ZMYND10: variants seen among roughly 807,000 people sequenced by gnomAD.
ZMYND10 encodes the protein zinc finger MYND-type containing 10.
Under a neutral mutation model 62.6 loss-of-function variants are expected in ZMYND10, and 52 were observed. The observed-to-expected ratio is 0.83, with a 90% CI of 0.67 to 1.05. The LOEUF (loss-of-function observed/expected upper bound fraction) is 1.05, where lower values mean the gene tolerates loss of function less well. Ranked by LOEUF, ZMYND10 falls within the 50% of genes least tolerant of loss-of-function variation. The pLI is 0.00. For missense variants in ZMYND10, 438 were observed against 543.3 expected (o/e 0.81, Z 1.93); for synonymous variants, 197 against 218.5 (o/e 0.90, Z 0.87).
In ZMYND10 at chr3:50,345,601, A is replaced by G. The variant is rs1376343411; in HGVS notation, c.-22T>C. ...CCATATCGAGGCCGGGGTCCGGCGG[A>G]TCCTGGGCAGCAGCCGGGGTGGGGA... On this transcript the variant is annotated 5_prime_UTR_variant, in exon 1 of 12. Transcript: ENST00000231749. This position sits in a 1 kb window ranked among gnomAD's most constrained non-coding sequence, Gnocchi z 5.0. 1 of 1,565,822 alleles carries G rather than the reference A, an allele frequency of 6.4e-7. No homozygotes were observed. The highest frequency in any genetic ancestry group is 1.4e-5 in the African/African-American group (1 of 73,796).
intron 2 of ZMYND10, 167 bp downstream of exon 2, chr3:50,344,957 T>A (rs984450008): frequency 8.1e-5 from 50 of 620,414 alleles, no homozygotes; most frequent in Non-Finnish European, 1.4e-4. Flanking sequence ...TGTGCCAGAG[T>A]CCTGTCCAAT....
chr3:50,341,178 T>A lies in ZMYND10; in HGVS notation c.*232A>T. ...CCACATCCGGCCCTGGCCCTCCTGG[T>A]CCGGTTTGCTGAAGCAACACACTTG... On this transcript the variant is annotated 3_prime_UTR_variant, in exon 12 of 12. Coordinates refer to ENST00000231749, the MANE Select transcript of ZMYND10 (RefSeq NM_015896.4). The A allele has an allele frequency of 1.6e-6, 1 of 628,720 alleles. No homozygotes were observed. The highest frequency in any genetic ancestry group is 2.8e-6 in the Non-Finnish European group (1 of 363,256). 38.9% of individuals were successfully genotyped at this position (628,720 alleles called of 1,614,324 possible).
chr3:50,341,684 G>A lies in ZMYND10; in HGVS notation c.1137C>T (p.Tyr379=), dbSNP rs369966018. Residue 379 remains tyrosine (Y), a synonymous_variant, in exon 11 of 12, where the codon TAC becomes TAT. Transcript: ENST00000231749. ...RLQARRWAET[Y]RLDVLEAVAP... Reference sequence around the variant, plus strand: ...CCACTGCCTCTAGCACATCCAGCCTGTAGGTCTCAGCCCACCTGGGGGAAA... The same window carrying A: ...CCACTGCCTCTAGCACATCCAGCCTATAGGTCTCAGCCCACCTGGGGGAAA... The A allele has an allele frequency of 5.0e-6, 8 of 1,614,114 alleles. No homozygotes were observed. The African/African-American group carries it at 5.3e-5, about 11-fold the overall frequency.
chr3:50,341,509 A>G, intron 11 of ZMYND10, 24 bp from the exon 12 acceptor site: 1 of 1,614,182 alleles, frequency 6.2e-7, no homozygotes, highest in Non-Finnish European at 8.5e-7. Context: ...GGTATTGAGG[A>G]TGGCAATGCA....
At chr3:50,344,175 G>GC (rs1384646712) in intron 2 of ZMYND10, 1 of 381,868 alleles carries the variant, frequency 2.6e-6, no homozygotes, top group Admixed American at 4.0e-5. Context: ...TTCTCCTCAT[G>GC]CCCTCCCTCT....
At chr3:50,341,990 G>A (rs758619954) in intron 9 of ZMYND10, 25 bp downstream of exon 9, 5 of 1,614,222 alleles carry the variant, frequency 3.1e-6, no homozygotes, top group Non-Finnish European at 4.2e-6. Flanking sequence ...CAGTGGTCCT[G>A]AGCAGCTAAC....
Position 50,341,635 on chromosome 3 carries a change from A to C in ZMYND10, c.1186T>G (p.Tyr396Asp), listed in dbSNP as rs1703379661. 1 of 1,614,232 alleles carries C rather than the reference A, an allele frequency of 6.2e-7. No homozygotes were observed. The highest frequency in any genetic ancestry group is 1.3e-5 in the African/African-American group (1 of 75,068). ...CGCTTAGAAGCCTCTGCACTGCAGT[A>C]AGCACAGCGGGGCCGCTCTGGAGCC... ...AVAPERPRCA[Y>D]CSAEASKRCS... Residue 396 changes from tyrosine (Y) to aspartate (D), a missense_variant, in exon 11 of 12, where the codon TAC becomes GAC. Physicochemically the swap from Tyr to Asp is radical, Grantham distance 160. Coordinates refer to ENST00000231749, the MANE Select transcript of ZMYND10 (RefSeq NM_015896.4).
chr3:50,343,607 CGTG>C lies in ZMYND10; in HGVS notation c.325_327del (p.His109del). 2 of 1,614,132 alleles carry C rather than the reference CGTG, an allele frequency of 1.2e-6. No homozygotes were observed. Among genetic ancestry groups the C allele is most frequent in the Non-Finnish European group, 1.7e-6 (2 of 1,180,038 alleles). ...TCCAAGAGGTTGATGATGGAGGCCTCGTGGTGCACCTGTCAGATAAAGAGAAGG... is the reference window on the plus strand; with the variant it reads ...TCCAAGAGGTTGATGATGGAGGCCTCGTGCACCTGTCAGATAAAGAGAAGG... On this transcript the variant is annotated inframe_deletion, in exon 4 of 12. Transcript: ENST00000231749.
chr3:50,342,246 C>T, intron 8 of ZMYND10, 106 bp from the exon 9 acceptor site: 1 of 1,578,176 alleles, frequency 6.3e-7, no homozygotes, highest in Non-Finnish European at 8.6e-7. Flanking sequence ...GGGCCCATGT[C>T]CCACTAGCTG....
At position 50,341,597 on chromosome 3, in the gene ZMYND10, G is replaced by A. The variant is rs1703378162; in HGVS notation, c.1224C>T (p.Cys408=). 1 of 1,614,244 alleles carries A rather than the reference G, an allele frequency of 6.2e-7. No individual in the cohort carries two copies. The highest frequency in any genetic ancestry group is 1.1e-5 in the South Asian group (1 of 91,092). Residue 408 remains cysteine (C), a synonymous_variant, in exon 11 of 12, where the codon TGC becomes TGT. Coordinates refer to ENST00000231749, the MANE Select transcript of ZMYND10 (RefSeq NM_015896.4). ...ACCTGCAGCAATACCACTCATTCTGGCATCGTGAGCAGCGCTTAGAAGCCT... is the reference window on the plus strand; with the variant it reads ...ACCTGCAGCAATACCACTCATTCTGACATCGTGAGCAGCGCTTAGAAGCCT... ...SAEASKRCSR[C]QNEWYCCREC...
Position 50,342,075 on chromosome 3 carries a change from G to A in ZMYND10, c.939C>T (p.Phe313=). The change falls in exon 9 of 12, where the codon TTC becomes TTT. Residue 313 remains phenylalanine (F), a synonymous_variant. Coordinates refer to ENST00000231749, the MANE Select transcript of ZMYND10 (RefSeq NM_015896.4). ...TTTCAGTTAGGGTCAGATGGGCCAG[G>A]AAACTCTGCAAGTGGGCCAGGTTGG... is the stretch of plus-strand genomic sequence containing the variant. ...QLPNLAHLQS[F]LAHLTLTETQ... The A allele has an allele frequency of 6.2e-7, 1 of 1,614,022 alleles. No individual in the cohort carries two copies. The highest frequency in any genetic ancestry group is 8.5e-7 in the Non-Finnish European group (1 of 1,179,978).
chr3:50,341,149 GT>G lies in ZMYND10; in HGVS notation c.*260del. 1 of 609,534 alleles carries G rather than the reference GT, an allele frequency of 1.6e-6. No homozygotes were observed. The highest frequency in any genetic ancestry group is 2.9e-6 in the Non-Finnish European group (1 of 347,192). 37.8% of individuals were successfully genotyped at this position (609,534 alleles called of 1,614,324 possible). On this transcript the variant is annotated 3_prime_UTR_variant, in exon 12 of 12. Transcript: ENST00000231749. ...AGCTTTACTGTGCTAGAGGAAGAGGGTCCCCACATCCGGCCCTGGCCCTCCT... is the reference window on the plus strand; with the variant it reads ...AGCTTTACTGTGCTAGAGGAAGAGGGCCCCACATCCGGCCCTGGCCCTCCT...
intron 8 of ZMYND10, 125 bp from the exon 9 acceptor site, chr3:50,342,265 C>T (rs1703404162): frequency 6.3e-7 from 1 of 1,575,524 alleles, no homozygotes; most frequent in Non-Finnish European, 8.6e-7. Flanking sequence ...TGGTGTGTCA[C>T]CTGAGGCCCA....
rs587594668 is a variant in ZMYND10 at position 50,342,439 on chromosome 3, C to T, written c.831G>A (p.Ala277=). 35 of 1,607,472 alleles carry T rather than the reference C, an allele frequency of 2.2e-5. No homozygotes were observed. The African/African-American group carries it at 2.8e-4, about 13-fold the overall frequency. Residue 277 remains alanine (A), a synonymous_variant, in exon 8 of 12, where the codon GCG becomes GCA. Coordinates refer to ENST00000231749, the MANE Select transcript of ZMYND10 (RefSeq NM_015896.4). ...TGGCAAAACTTGTGAGGCAGTAGCG[C>T]GCCTGAGCCTCAGGGCTTAGCAGCA... ...YNLLLSPEAQ[A]RYCLTSFAKG...
chr3:50,345,474 C>G lies in ZMYND10; in HGVS notation c.92+14G>C, dbSNP rs587667822. On this transcript the variant is annotated intron_variant, in intron 1 of 11. Coordinates refer to ENST00000231749, the MANE Select transcript of ZMYND10 (RefSeq NM_015896.4). The surrounding 1 kb of genome is among the most constrained non-coding windows in gnomAD (Gnocchi z 5.0). Reference sequence around the variant, plus strand: ...ACAATGACTCCGGGACTCCGCCTGACCCGGGTGCCTCACCCTTCGGAGCCC... The same window carrying G: ...ACAATGACTCCGGGACTCCGCCTGAGCCGGGTGCCTCACCCTTCGGAGCCC... 5 of 1,586,048 alleles carry G rather than the reference C, an allele frequency of 3.2e-6. No individual in the cohort carries two copies. In the South Asian group the frequency reaches 4.6e-5, roughly 15 times the overall value.
intron 7 of ZMYND10, 113 bp from the exon 8 acceptor site, chr3:50,342,682 G>A: frequency 1.3e-6 from 2 of 1,495,498 alleles, no homozygotes; most frequent in Middle Eastern, 1.9e-4. Context: ...CTGGGCTGCA[G>A]GACTTGCCCA....
Position 50,343,687 on chromosome 3 carries a change from G to T in ZMYND10, c.318+47C>A, listed in dbSNP as rs778620966. 3.7e-6 allele frequency: 6 copies of T among 1,613,728 alleles called. No individual in the cohort carries two copies. The East Asian group carries it at 1.3e-4, about 36-fold the overall frequency. On this transcript the variant is annotated intron_variant, in intron 3 of 11. Coordinates refer to ENST00000231749, the MANE Select transcript of ZMYND10 (RefSeq NM_015896.4). ...TACCAGCTCTCCTCCCCGGTCCAGA[G>T]CCCTCTGAAGGAGTGAGAAGAGGTA...
At position 50,343,163 on chromosome 3, in the gene ZMYND10, A is replaced by C; in HGVS notation, c.554T>G (p.Leu185Arg). 1 of 1,614,236 alleles carries C rather than the reference A, an allele frequency of 6.2e-7. No homozygotes were observed. Among genetic ancestry groups the C allele is most frequent in the Non-Finnish European group, 8.5e-7 (1 of 1,180,032 alleles). ...GTAGCGTAGTACTGAGAGGGCCTTC[A>C]GTGCAATCTCAAATTCCATCAGCTC... ...QAELMEFEIA[L>R]KALSVLRYIT... Residue 185 changes from leucine to arginine, a missense_variant, in exon 6 of 12, where the codon CTG becomes CGG. Physicochemically the swap from Leu to Arg is moderately radical, Grantham distance 102. Coordinates refer to ENST00000231749, the MANE Select transcript of ZMYND10 (RefSeq NM_015896.4).
rs1442095773 is a variant in ZMYND10 at position 50,345,440 on chromosome 3, G to A, written c.92+48C>T. On this transcript the variant is annotated intron_variant, in intron 1 of 11. Coordinates refer to ENST00000231749, the MANE Select transcript of ZMYND10 (RefSeq NM_015896.4). The surrounding 1 kb of genome is among the most constrained non-coding windows in gnomAD (Gnocchi z 5.0). ...CCCCCGAGTCAGGCCCCAGCTCCCCGACTCAAGGACAATGACTCCGGGACT... is the reference window on the plus strand; with the variant it reads ...CCCCCGAGTCAGGCCCCAGCTCCCCAACTCAAGGACAATGACTCCGGGACT... The A allele has an allele frequency of 1.9e-6, 3 of 1,552,770 alleles. No homozygotes were observed. Among genetic ancestry groups the A allele is most frequent in the Non-Finnish European group, 2.6e-6 (3 of 1,147,062 alleles).
Sources: allele counts gnomAD v4.1 joint callset, GRCh38; gene constraint gnomAD v4.1.1; non-coding constraint Gnocchi (gnomAD v3.1); transcripts MANE v1.5; gene names NCBI Gene and HGNC (gene_info 2026-07-23, HGNC 2026-07-21).